Variants in ATF1 observed in about 807,000 individuals in gnomAD.
ATF1 encodes the protein cyclic AMP-dependent transcription factor ATF-1.
In ATF1, 16 loss-of-function variants were observed where a neutral mutation model predicts 34.7. The ratio of observed to expected loss-of-function variants is 0.46; its 90% CI spans 0.31 to 0.70. The LOEUF (loss-of-function observed/expected upper bound fraction) is 0.70, where lower values mean the gene tolerates loss of function less well. ATF1 is among the 30% of genes least tolerant of loss of function. The pLI, the probability that ATF1 is intolerant of heterozygous loss-of-function variation, is 0.05. For missense variants in ATF1, 255 were observed against 321.6 expected (o/e 0.79, Z 1.58); for synonymous variants, 105 against 113.1 (o/e 0.93, Z 0.46).
At chr12:50,807,084 A>T (rs926873830) in intron 3 of ATF1, among the ~76,000 whole-genome samples, 1 of 152,224 alleles carries the variant, frequency 6.6e-6, no homozygotes, top group African/African-American at 2.4e-5. Context: ...ATTATCAAAT[A>T]TCGCAAAGTA....
At chr12:50,766,750 G>T (rs147792362) in intron 1 of ATF1, among the ~76,000 whole-genome samples, 2 of 150,550 alleles carry the variant, frequency 1.3e-5, no homozygotes, top group Non-Finnish European at 1.5e-5. Context: ...TTTCATTGTC[G>T]GCTGCAATGA....
intron 2 of ATF1, among the ~76,000 whole-genome samples, chr12:50,782,279 A>G (rs188654474): frequency 6.6e-6 from 1 of 151,700 alleles, no homozygotes; most frequent in Non-Finnish European, 1.5e-5. Flanking sequence ...TTTTTGAGAC[A>G]GTGTCTCGCT....
intron 2 of ATF1, among the ~76,000 whole-genome samples, chr12:50,782,916 C>G (rs1055012239): frequency 6.6e-6 from 1 of 151,834 alleles, no homozygotes; most frequent in East Asian, 1.9e-4. Flanking sequence ...TCTTGAACTC[C>G]TGACGTCAAG....
chr12:50,764,467 C>T (rs1387080470), intron 1 of ATF1, 160 bp downstream of exon 1: 4 of 151,816 alleles, frequency 2.6e-5, no homozygotes, highest in Non-Finnish European at 5.9e-5. Flanking sequence ...AGGGGCCGCC[C>T]GCGCTTCCGG....
At position 50,797,928 on chromosome 12, in the gene ATF1, AG is replaced by A. The variant is rs1941440625; in HGVS notation, c.194+1920del. On this transcript the variant is annotated intron_variant, in intron 3 of 6. Coordinates refer to ENST00000262053, the MANE Select transcript of ATF1 (RefSeq NM_005171.5). ...TACAGTGGCTCACGCCTGTAATCCC[AG>A]CACTTTGGGAGGCCGAGGCGGGTGG... Among the ~76,000 whole-genome samples the A allele has an allele frequency of 3.3e-5, 5 of 152,268 alleles. No individual in the cohort carries two copies. In the South Asian group the frequency reaches 1.0e-3, roughly 32 times the overall value.
chr12:50,777,113 C>G (rs1408424856), intron 1 of ATF1, among the ~76,000 whole-genome samples: 1 of 152,092 alleles, frequency 6.6e-6, no homozygotes, highest in Non-Finnish European at 1.5e-5. Flanking sequence ...CTCGGCCTCC[C>G]AAAATGCTGG....
chr12:50,763,734 A>G (rs1940549218), upstream of ATF1: 1 of 151,530 alleles, frequency 6.6e-6, no homozygotes, highest in Non-Finnish European at 1.5e-5. Flanking sequence ...GTCAAGGTCA[A>G]TTGGCAGGTG....
At position 50,814,262 on chromosome 12, in the gene ATF1, C is replaced by G. The variant is rs767563838; in HGVS notation, c.512-18C>G. The G allele has an allele frequency of 6.2e-7, 1 of 1,614,012 alleles. No individual in the cohort carries two copies. Among genetic ancestry groups the G allele is most frequent in the Admixed American group, 1.7e-5 (1 of 60,016 alleles). On this transcript the variant is annotated intron_variant, in intron 5 of 6. Coordinates refer to ENST00000262053, the MANE Select transcript of ATF1 (RefSeq NM_005171.5). ...AGACACTTACTAACTAACTCATTCACTCTTGTTTACCATCTAGCTGCATCA... is the reference window on the plus strand; with the variant it reads ...AGACACTTACTAACTAACTCATTCAGTCTTGTTTACCATCTAGCTGCATCA...
intron 6 of ATF1, among the ~76,000 whole-genome samples, chr12:50,818,905 C>T (rs1941895165): frequency 6.6e-6 from 1 of 152,204 alleles, no homozygotes. Context: ...CATGCCTGGC[C>T]AATACTTCCG....
intron 1 of ATF1, among the ~76,000 whole-genome samples, chr12:50,771,085 A>G (rs951998177): frequency 4.0e-5 from 6 of 151,864 alleles, no homozygotes; most frequent in Admixed American, 3.9e-4. Flanking sequence ...GGCTCACTGC[A>G]GCCTCCGCCT....
chr12:50,784,773 C>T (rs1220214385), intron 2 of ATF1, among the ~76,000 whole-genome samples: 2 of 152,052 alleles, frequency 1.3e-5, no homozygotes, highest in Non-Finnish European at 2.9e-5. Flanking sequence ...ATGGCTTGGA[C>T]CAGTGTGGTA....
chr12:50,792,965 T>C (rs1941336918), intron 2 of ATF1, among the ~76,000 whole-genome samples: 2 of 152,164 alleles, frequency 1.3e-5, no homozygotes, highest in African/African-American at 2.4e-5. Context: ...CCATCCTAGA[T>C]TCCTTTTCTT....
At chr12:50,796,700 CAAAA>C (rs879787960) in intron 3 of ATF1, among the ~76,000 whole-genome samples, 1 of 119,132 alleles carries the variant, frequency 8.4e-6, no homozygotes. Flanking sequence ...GACTCTGTCT[CAAAA>C]AAAAAAAAAA....
chr12:50,803,817 A>G (rs934871903), intron 3 of ATF1, among the ~76,000 whole-genome samples: 1 of 152,244 alleles, frequency 6.6e-6, no homozygotes, highest in Non-Finnish European at 1.5e-5. Flanking sequence ...ATAAACCTTG[A>G]AAATATTAAA....
chr12:50,780,981 AT>A (rs1941047786), intron 2 of ATF1, among the ~76,000 whole-genome samples: 1 of 152,106 alleles, frequency 6.6e-6, no homozygotes, highest in African/African-American at 2.4e-5. Flanking sequence ...TAAATAAAAA[AT>A]AAAATAGAAA....
chr12:50,789,080 G>GT (rs1203304020), intron 2 of ATF1, among the ~76,000 whole-genome samples: 1 of 151,232 alleles, frequency 6.6e-6, no homozygotes, highest in African/African-American at 2.4e-5. Flanking sequence ...GGTTTTTTTT[G>GT]TTGTTTTTTT....
intron 4 of ATF1, 106 bp from the exon 5 acceptor site, chr12:50,813,904 G>C: frequency 9.5e-7 from 1 of 1,050,890 alleles, no homozygotes; most frequent in Non-Finnish European, 1.4e-6. Flanking sequence ...AAGTAGAAGT[G>C]CATTCATACC....
At chr12:50,772,411 A>G (rs1940797147) in intron 1 of ATF1, among the ~76,000 whole-genome samples, 1 of 144,342 alleles carries the variant, frequency 6.9e-6, no homozygotes, top group South Asian at 2.2e-4. Flanking sequence ...ACCGCAACCT[A>G]CGCCTCCTGG....
intron 1 of ATF1, among the ~76,000 whole-genome samples, chr12:50,777,427 G>A (rs571494474): frequency 1.3e-5 from 2 of 152,200 alleles, no homozygotes; most frequent in South Asian, 4.1e-4. Flanking sequence ...TGTCTGAAGC[G>A]ATTTCATGCT....
Sources: gnomAD v4.1 joint callset for allele counts (sites outside exome capture counted in the v4.1 genomes callset) on GRCh38, gnomAD v4.1.1 for gene constraint, MANE v1.5 for transcripts, NCBI Gene and HGNC (gene_info 2026-07-23, HGNC 2026-07-21) for gene names.